The following SAFB2 variants were observed in gnomAD, a reference collection of about 807,000 sequenced individuals.
SAFB2 encodes scaffold attachment factor B2.
A neutral mutation model predicts 100.6 loss-of-function variants in SAFB2; 32 were observed. That is an observed-to-expected ratio of 0.32 (90% CI 0.24 to 0.43). SAFB2 has a LOEUF of 0.43. Among genes scored for constraint, SAFB2 ranks in the 20% least tolerant of loss-of-function variants. The pLI, the probability that SAFB2 is intolerant of heterozygous loss-of-function variation, is 1.00. For synonymous variants in SAFB2, 500 were observed against 439.4 expected (o/e 1.14, Z -1.72); for missense variants, 1,185 against 1,163.4 (o/e 1.02, Z -0.27).
chr19:5,616,050 G>A lies in SAFB2; in HGVS notation c.543+82C>T, dbSNP rs565471910. Reference sequence around the variant, plus strand: ...TGTGTGTTCATGGCGGTTTAGCTGTGTTCTCCCTCACACGAGCAGCACGCG... The same window carrying A: ...TGTGTGTTCATGGCGGTTTAGCTGTATTCTCCCTCACACGAGCAGCACGCG... On this transcript the variant is annotated intron_variant, in intron 4 of 20. Transcript: ENST00000252542. 2.8e-4 allele frequency: 368 copies of A among 1,302,558 alleles called. 3 individuals carry two copies. The highest frequency in any genetic ancestry group is 2.3e-3 in the Middle Eastern group (9 of 3,972). 80.7% of individuals were successfully genotyped at this position (1,302,558 alleles called of 1,614,324 possible). A position where few individuals can be genotyped will look rare whatever the true frequency, so the allele number is the denominator to read the frequency against.
chr19:5,598,871 C>A lies in SAFB2; in HGVS notation c.1704G>T (p.Met568Ile). The change falls in exon 13 of 21, where the codon ATG (methionine) becomes ATT (isoleucine). Residue 568 changes from methionine to isoleucine, a missense_variant. Physicochemically the swap from Met to Ile is conservative, Grantham distance 10 (BLOSUM62 1). Around this residue, in one of 3 missense-constraint regions of SAFB2, gnomAD observed 740 missense variants for 687.1 expected, o/e 1.08. Coordinates refer to ENST00000252542, the MANE Select transcript of SAFB2 (RefSeq NM_014649.3). ...SRVTKSGSRG[M>I]ERTVVMDKSK... Reference sequence around the variant, plus strand: ...ATTTATCCATCACGACCGTCCGCTCCATTCCTCTGCTTCCTTCAGGAAAAA... The same window carrying A: ...ATTTATCCATCACGACCGTCCGCTCAATTCCTCTGCTTCCTTCAGGAAAAA... 1 of 1,614,118 alleles carries A rather than the reference C, an allele frequency of 6.2e-7. No individual in the cohort carries two copies. Among genetic ancestry groups the A allele is most frequent in the South Asian group, 1.1e-5 (1 of 91,084 alleles).
rs769126948 is a variant in SAFB2 at position 5,604,638 on chromosome 19, T to C, written c.1504A>G (p.Lys502Glu). Residue 502 changes from lysine to glutamate, a missense_variant, in exon 11 of 21, where the codon AAG becomes GAG. Around this residue, in one of 3 missense-constraint regions of SAFB2, gnomAD observed 740 missense variants for 687.1 expected, o/e 1.08. Coordinates refer to ENST00000252542, the MANE Select transcript of SAFB2 (RefSeq NM_014649.3). ...LSDRKECEVK[K>E]EKLSSVDRHH... ...CTGTCGACACTCGATAATTTTTCCT[T>C]CTTCACTTCGCACTCTTTTCTGTCG... 9.9e-6 allele frequency: 16 copies of C among 1,614,208 alleles called. No individual in the cohort carries two copies. In the East Asian group the frequency reaches 3.6e-4, roughly 36 times the overall value.
Position 5,622,624 on chromosome 19 carries a change from C to G in SAFB2, c.92G>C (p.Ser31Thr), listed in dbSNP as rs559202540. ...CCGCAGATCGATCACCCGCAGCTCGCTGAGCCGCCTCGTCCCAGTCTCCGC... is the reference window on the plus strand; with the variant it reads ...CCGCAGATCGATCACCCGCAGCTCGGTGAGCCGCCTCGTCCCAGTCTCCGC... ...GVAETGTRRLSELRVIDLRAE... is the reference protein window; with the variant it reads ...GVAETGTRRLTELRVIDLRAE... Residue 31 changes from serine (S) to threonine (T), a missense_variant, in exon 1 of 21, where the codon AGC (serine) becomes ACC (threonine). Coordinates refer to ENST00000252542, the MANE Select transcript of SAFB2 (RefSeq NM_014649.3). 1 of 1,612,248 alleles carries G rather than the reference C, an allele frequency of 6.2e-7. No individual in the cohort carries two copies. The highest frequency in any genetic ancestry group is 1.7e-5 in the Admixed American group (1 of 59,940).
rs542668048 is a variant in SAFB2 at position 5,612,994 on chromosome 19, T to C, written c.607-427A>G. Reference sequence around the variant, plus strand: ...GATCTCTCTACTCTGCTGAAAACCTTTTCCGACATCTGTCTCACTTAGGAC... The same window carrying C: ...GATCTCTCTACTCTGCTGAAAACCTCTTCCGACATCTGTCTCACTTAGGAC... On this transcript the variant is annotated intron_variant, in intron 5 of 20. Coordinates refer to ENST00000252542, the MANE Select transcript of SAFB2 (RefSeq NM_014649.3). 7.9e-5 allele frequency among the ~76,000 whole-genome samples: 12 copies of C among 152,342 alleles called. No individual in the cohort carries two copies. In the South Asian group the frequency reaches 2.5e-3, roughly 32 times the overall value.
In SAFB2 at chr19:5,587,455, T is replaced by C; in HGVS notation, c.2706-56A>G. The C allele has an allele frequency of 6.4e-7, 1 of 1,551,746 alleles. No homozygotes were observed. Among genetic ancestry groups the C allele is most frequent in the Non-Finnish European group, 8.7e-7 (1 of 1,144,644 alleles). ...CTTGAAGTGCTCAGCGTTTTCATCGTAACATGGGTTCAGTAACGGTCCCGC... is the reference window on the plus strand; with the variant it reads ...CTTGAAGTGCTCAGCGTTTTCATCGCAACATGGGTTCAGTAACGGTCCCGC... On this transcript the variant is annotated intron_variant, in intron 20 of 20. Coordinates refer to ENST00000252542, the MANE Select transcript of SAFB2 (RefSeq NM_014649.3). The surrounding 1 kb of genome is among the most constrained non-coding windows in gnomAD (Gnocchi z 4.9).
At chr19:5,589,605 G>A (rs1037822746) in intron 18 of SAFB2, among the ~76,000 whole-genome samples, 5 of 152,244 alleles carry the variant, frequency 3.3e-5, no homozygotes, top group East Asian at 1.9e-4. Context: ...CAGCCCAGAC[G>A]GCAACAGGAC....
In SAFB2 at chr19:5,590,365, C is replaced by G. The variant is rs374443575; in HGVS notation, c.2438G>C (p.Arg813Pro). 2 of 1,611,842 alleles carry G rather than the reference C, an allele frequency of 1.2e-6. No homozygotes were observed. Among genetic ancestry groups the G allele is most frequent in the Non-Finnish European group, 1.7e-6 (2 of 1,179,326 alleles). ...DRHGHGGPPE[R>P]HGRDSRDGWG... is the part of the protein sequence containing the mutation. Reference sequence around the variant, plus strand: ...GCCATCACGGGAGTCCCGGCCGTGGCGCTCTGGGGGTCCTCCGTGGCCATG... The same window carrying G: ...GCCATCACGGGAGTCCCGGCCGTGGGGCTCTGGGGGTCCTCCGTGGCCATG... The change falls in exon 18 of 21, where the codon CGC becomes CCC. Residue 813 changes from arginine (R) to proline (P), a missense_variant. By Grantham distance (103) the Arg-to-Pro change is moderately radical (BLOSUM62 -2). Transcript: ENST00000252542.
intron 6 of SAFB2, chr19:5,612,161 G>C: frequency 2.9e-6 from 1 of 341,466 alleles, no homozygotes; most frequent in Non-Finnish European, 5.4e-6. Flanking sequence ...CAGGTGGTAA[G>C]TGCCCTGACA....
At chr19:5,606,290 A>T (rs1233529645) in intron 9 of SAFB2, among the ~76,000 whole-genome samples, 13 of 152,352 alleles carry the variant, frequency 8.5e-5, no homozygotes, top group African/African-American at 3.1e-4. Context: ...TACAAGTATA[A>T]CTAGCACCCA....
chr19:5,610,518 T>C (rs1403780332), intron 8 of SAFB2, 121 bp downstream of exon 8: 1 of 737,544 alleles, frequency 1.4e-6, no homozygotes, highest in Non-Finnish European at 2.3e-6. Flanking sequence ...CATTAGGTGG[T>C]TGATTCCGGT....
intron 17 of SAFB2, 105 bp downstream of exon 17, chr19:5,591,643 G>A (rs1053221384): frequency 9.3e-7 from 1 of 1,077,410 alleles, no homozygotes; most frequent in Admixed American, 1.9e-5. Flanking sequence ...GTGCTGACTT[G>A]GTTGCCACCT....
chr19:5,600,018 C>G lies in SAFB2; in HGVS notation c.1690+112G>C. The G allele has an allele frequency of 2.7e-6, 3 of 1,104,462 alleles. No homozygotes were observed. In the South Asian group the frequency reaches 4.6e-5, roughly 17 times the overall value. 68.4% of individuals were successfully genotyped at this position (1,104,462 alleles called of 1,614,324 possible). ...TGTTTCTTTAACACTGCCATATGAA[C>G]AGCGAAACAGCCATGTCACCAGAGC... On this transcript the variant is annotated intron_variant, in intron 12 of 20. Transcript: ENST00000252542.
chr19:5,605,109 T>G (rs187835601), intron 9 of SAFB2, among the ~76,000 whole-genome samples, 173 bp from the exon 10 acceptor site: 1 of 151,868 alleles, frequency 6.6e-6, no homozygotes, highest in Admixed American at 6.6e-5. Flanking sequence ...CAAATACAAT[T>G]GCTTTTTTTT....
At chr19:5,607,033 G>A (rs913594426) in intron 9 of SAFB2, among the ~76,000 whole-genome samples, 8 of 152,190 alleles carry the variant, frequency 5.3e-5, no homozygotes, top group African/African-American at 1.9e-4. Flanking sequence ...AGGCCGAGGT[G>A]GGAGGATCAC....
Position 5,587,303 on chromosome 19 carries a change from G to T in SAFB2, c.2802C>A (p.Ser934Arg), listed in dbSNP as rs982507826. 1.9e-6 allele frequency: 3 copies of T among 1,612,362 alleles called. No individual in the cohort carries two copies. The African/African-American group carries it at 4.0e-5, about 22-fold the overall frequency. The change falls in exon 21 of 21, where the codon AGC becomes AGA. Residue 934 changes from serine (S) to arginine (R), a missense_variant. Physicochemically the swap from Ser to Arg is moderately radical, Grantham distance 110. Coordinates refer to ENST00000252542, the MANE Select transcript of SAFB2 (RefSeq NM_014649.3). This position sits in a 1 kb window ranked among gnomAD's most constrained non-coding sequence, Gnocchi z 4.9. ...GGGVASQDRG[S>R]RVPHPHPHPP... ...GATGAGGGTGTGGGTGAGGGACTCT[G>T]CTGCCCCGGTCCTGGCTGGCCACTC...
At chr19:5,622,464 G>C in intron 1 of SAFB2, 66 bp downstream of exon 1, 1 of 1,428,334 alleles carries the variant, frequency 7.0e-7, no homozygotes, top group Non-Finnish European at 9.2e-7. Flanking sequence ...GGGAGCCGCG[G>C]TGACAGGTGC....
At position 5,592,833 on chromosome 19, in the gene SAFB2, A is replaced by G. The variant is rs199536778; in HGVS notation, c.2262T>C (p.Tyr754=). The G allele has an allele frequency of 3.4e-5, 55 of 1,614,152 alleles. No individual in the cohort carries two copies. The Admixed American group carries it at 5.3e-4, about 16-fold the overall frequency. Reference sequence around the variant, plus strand: ...GGTCTGGCCGGGGAAAGTCTGCACGATATCGGTCCTCCATTGCCACACGCT... The same window carrying G: ...GGTCTGGCCGGGGAAAGTCTGCACGGTATCGGTCCTCCATTGCCACACGCT... ...EGKRVAMEDR[Y]RADFPRPDHR... is the part of the protein sequence containing the mutation. Residue 754 remains tyrosine (Y), a synonymous_variant, in exon 16 of 21, where the codon TAT becomes TAC. Coordinates refer to ENST00000252542, the MANE Select transcript of SAFB2 (RefSeq NM_014649.3).
chr19:5,594,257 G>C, intron 14 of SAFB2, 79 bp from the exon 15 acceptor site: 1 of 1,436,442 alleles, frequency 7.0e-7, no homozygotes, highest in Non-Finnish European at 9.1e-7. Context: ...AACTGGGTGT[G>C]TATTGGAAGC....
chr19:5,594,003 T>G lies in SAFB2; in HGVS notation c.2095A>C (p.Arg699=), dbSNP rs775841520. 3.8e-6 allele frequency: 6 copies of G among 1,561,236 alleles called. No individual in the cohort carries two copies. The African/African-American group carries it at 4.1e-5, about 11-fold the overall frequency. ...CGGTGGATGCGCTCCTGCTCCTTCC[T>G]GCGCTCACGCTCCACGCGCATGCGC... is the stretch of plus-strand genomic sequence containing the variant. ...RERMRVERER[R]KEQERIHRER... The change falls in exon 15 of 21, where the codon AGG becomes CGG. Residue 699 remains arginine (R), a synonymous_variant. Coordinates refer to ENST00000252542, the MANE Select transcript of SAFB2 (RefSeq NM_014649.3).
Sources: allele counts gnomAD v4.1 joint callset (sites outside exome capture counted in the v4.1 genomes callset), GRCh38; gene constraint gnomAD v4.1.1; regional missense constraint gnomAD v4.1.1; non-coding constraint Gnocchi (gnomAD v3.1); transcripts MANE v1.5; gene names NCBI Gene and HGNC (gene_info 2026-07-23, HGNC 2026-07-21).